Variants in CACNA1E observed in about 807,000 individuals in gnomAD.
The protein encoded by CACNA1E is calcium voltage-gated channel subunit alpha1 E.
Under a neutral mutation model 259.2 loss-of-function variants are expected in CACNA1E, and 40 were observed. The observed-to-expected ratio is 0.15, with a 90% confidence interval of 0.12 to 0.20. The LOEUF (loss-of-function observed/expected upper bound fraction) is 0.20, where lower values mean the gene tolerates loss of function less well. CACNA1E is among the 10% of genes least tolerant of loss of function. CACNA1E has a pLI of 1.00. For missense variants in CACNA1E, 1,874 were observed against 3,040.1 expected, an observed-to-expected ratio of 0.62 and a Z score of 9.02; for synonymous variants, 1,104 against 1,138.5, an observed-to-expected ratio of 0.97 and a Z score of 0.61.
At chr1:181,710,564 C>T (rs571532170) in intron 7 of CACNA1E, among the ~76,000 whole-genome samples, 14 of 149,732 alleles carry the variant, frequency 9.4e-5, no homozygotes, top group African/African-American at 3.4e-4. Context: ...GGTCAATATA[C>T]GTTAATCACT....
intron 2 of CACNA1E, among the ~76,000 whole-genome samples, chr1:181,421,614 C>T (rs1362028044): frequency 6.6e-6 from 1 of 152,240 alleles, no homozygotes; most frequent in Non-Finnish European, 1.5e-5. Flanking sequence ...TCTGGCCCCT[C>T]ATTTTTCCTT....
chr1:181,548,415 C>T (rs1046236069), intron 3 of CACNA1E, among the ~76,000 whole-genome samples: 1 of 152,136 alleles, frequency 6.6e-6, no homozygotes, highest in Non-Finnish European at 1.5e-5. Flanking sequence ...TGTGAGCCAC[C>T]GTGCCCAGCC....
chr1:181,619,953 A>G (rs891610763), intron 6 of CACNA1E, among the ~76,000 whole-genome samples: 12 of 152,184 alleles, frequency 7.9e-5, no homozygotes, highest in African/African-American at 2.9e-4. Flanking sequence ...CTAGACATCC[A>G]TAGAGGATCT....
At chr1:181,707,833 C>A (rs1488285310) in intron 7 of CACNA1E, among the ~76,000 whole-genome samples, 1 of 152,020 alleles carries the variant, frequency 6.6e-6, no homozygotes, top group Non-Finnish European at 1.5e-5. Flanking sequence ...CTATTCTAGT[C>A]TAGGAAGATA....
chr1:181,367,715 T>C (rs2101942827), intron 1 of CACNA1E, among the ~76,000 whole-genome samples: 1 of 151,626 alleles, frequency 6.6e-6, no homozygotes, highest in South Asian at 2.1e-4. Flanking sequence ...AGTTGACTAC[T>C]TAAAAATGTT....
At chr1:181,793,854 A>G (rs755526999) in intron 45 of CACNA1E, 61 bp downstream of exon 45, 37 of 1,544,878 alleles carry the variant, frequency 2.4e-5, no homozygotes, top group Non-Finnish European at 3.2e-5. Flanking sequence ...TGGGTTATGG[A>G]ATAATATCTG....
At position 181,733,745 on chromosome 1, in the gene CACNA1E, T is replaced by G; in HGVS notation, c.3257T>G (p.Val1086Gly). 6.5e-7 allele frequency: 1 copy of G among 1,543,194 alleles called. No individual in the cohort carries two copies. The part of the protein sequence containing the change: ...DVDPLVDSTV[V>G]HISNKTDGEA... ...GACCCCTTGGTGGACTCAACCGTGGTGCACAGTGAGAGCACAGTCCCTGTT... is the reference window on the plus strand; with the variant it reads ...GACCCCTTGGTGGACTCAACCGTGGGGCACAGTGAGAGCACAGTCCCTGTT... The change falls in exon 21 of 48, where the codon GTG becomes GGG. Residue 1086 changes from valine to glycine, a missense_variant. Physicochemically the swap from Val to Gly is moderately radical, Grantham distance 109. Coordinates refer to ENST00000367573, the MANE Select transcript of CACNA1E (RefSeq NM_001205293.3).
intron 1 of CACNA1E, among the ~76,000 whole-genome samples, chr1:181,486,116 G>T (rs1436106205): frequency 2.6e-5 from 4 of 152,352 alleles, no homozygotes; most frequent in African/African-American, 9.6e-5. Flanking sequence ...TTGCGAGCGC[G>T]CAAGGTGCGG....
At chr1:181,703,216 C>G (rs1387212709) in intron 7 of CACNA1E, among the ~76,000 whole-genome samples, 1 of 152,216 alleles carries the variant, frequency 6.6e-6, no homozygotes, top group Non-Finnish European at 1.5e-5. Context: ...AATAGGTTAT[C>G]TGTATTATGA....
intron 6 of CACNA1E, among the ~76,000 whole-genome samples, chr1:181,594,539 C>G (rs1652967142): frequency 1.3e-5 from 2 of 152,214 alleles, no homozygotes; most frequent in Non-Finnish European, 2.9e-5. Flanking sequence ...GCTAGGATCA[C>G]AGGCCCCTGC....
In CACNA1E at chr1:181,798,224, T is replaced by G. The variant is rs1661977027; in HGVS notation, c.6400-68T>G. The G allele has an allele frequency of 7.6e-7, 1 of 1,322,858 alleles. No individual in the cohort carries two copies. Among genetic ancestry groups the G allele is most frequent in the East Asian group, 2.3e-5 (1 of 43,000 alleles). 81.9% of individuals were successfully genotyped at this position (1,322,858 alleles called of 1,614,324 possible). A position where few individuals can be genotyped will look rare whatever the true frequency, so the allele number is the denominator to read the frequency against. On this transcript the variant is annotated intron_variant, in intron 47 of 47. Transcript: ENST00000367573. This position sits in a 1 kb window ranked among gnomAD's most constrained non-coding sequence, Gnocchi z 4.2. ...CAGAATTCAGATTCCAAGGACTCTC[T>G]TAACAGAGTTGCAAGTAGGGATCAT...
chr1:181,576,254 G>T (rs557215302), intron 3 of CACNA1E, among the ~76,000 whole-genome samples: 1 of 152,316 alleles, frequency 6.6e-6, no homozygotes, highest in African/African-American at 2.4e-5. Flanking sequence ...AATCTCTATT[G>T]GTTGTTTAAA....
intron 7 of CACNA1E, among the ~76,000 whole-genome samples, chr1:181,704,724 C>T (rs1652624463): frequency 6.6e-6 from 1 of 152,138 alleles, no homozygotes; most frequent in African/African-American, 2.4e-5. Context: ...CCCATCCTGG[C>T]ACTTTGTCTT....
At chr1:181,664,515 T>C (rs2102155787) in intron 7 of CACNA1E, among the ~76,000 whole-genome samples, 1 of 152,320 alleles carries the variant, frequency 6.6e-6, no homozygotes, top group East Asian at 1.9e-4. Context: ...CACCCTGAAA[T>C]TGCCCTGTAT....
At chr1:181,542,176 G>T (rs1408800073) in intron 3 of CACNA1E, among the ~76,000 whole-genome samples, 3 of 152,278 alleles carry the variant, frequency 2.0e-5, no homozygotes, top group Middle Eastern at 6.8e-3. Flanking sequence ...CTGACAGCTT[G>T]ACTCCAACTG....
chr1:181,388,403 A>G (rs1441200392), intron 1 of CACNA1E, among the ~76,000 whole-genome samples: 2 of 152,210 alleles, frequency 1.3e-5, no homozygotes, highest in African/African-American at 4.8e-5. Flanking sequence ...TCATTGTGTG[A>G]ACATCACAGA....
intron 2 of CACNA1E, among the ~76,000 whole-genome samples, chr1:181,457,185 T>C (rs1190108742): frequency 6.6e-6 from 1 of 152,268 alleles, no homozygotes; most frequent in Non-Finnish European, 1.5e-5. Context: ...TTCTTTCCAC[T>C]GTAACCTTAC....
chr1:181,547,681 C>T (rs150646302), intron 3 of CACNA1E, among the ~76,000 whole-genome samples: 39 of 152,336 alleles, frequency 2.6e-4, no homozygotes, highest in African/African-American at 8.4e-4. Context: ...TCATCAACAG[C>T]GGCGGAGATG....
At chr1:181,645,064 C>T (rs1658140535) in intron 6 of CACNA1E, among the ~76,000 whole-genome samples, 1 of 152,164 alleles carries the variant, frequency 6.6e-6, no homozygotes, top group African/African-American at 2.4e-5. Flanking sequence ...CACGTCCTTA[C>T]TGGTGACAGC....
Sources: gnomAD v4.1 joint callset for allele counts (sites outside exome capture counted in the v4.1 genomes callset) on GRCh38, gnomAD v4.1.1 for gene constraint, Gnocchi (gnomAD v3.1) non-coding constraint, MANE v1.5 for transcripts, NCBI Gene and HGNC (gene_info 2026-07-23, HGNC 2026-07-21) for gene names.